Variants in NEBL observed in about 807,000 individuals in gnomAD.
NEBL encodes the protein LIM and SH3 protein 2.
A neutral mutation model predicts 140.2 loss-of-function variants in NEBL; 122 were observed. The observed-to-expected ratio is 0.87, with a 90% CI of 0.75 to 1.01. The LOEUF (loss-of-function observed/expected upper bound fraction) is 1.01, where lower values mean the gene tolerates loss of function less well. NEBL is among the 50% of genes least tolerant of loss of function. The probability of loss-of-function intolerance (pLI) is 0.00; values close to 1 mark genes in which losing one functional copy is unlikely to be tolerated. For synonymous variants in NEBL, 436 were observed against 398.9 expected (o/e 1.09, Z -1.11); for missense variants, 1,365 against 1,231.3 (o/e 1.11, Z -1.62).
At chr10:21,198,714 A>G (rs1205218822) in intron 3 of NEBL, among the ~76,000 whole-genome samples, 2 of 152,092 alleles carry the variant, frequency 1.3e-5, no homozygotes, top group African/African-American at 4.8e-5. Context: ...TCCCACTGCC[A>G]GCACCAGCCA....
Position 20,995,612 on chromosome 10 carries a change from C to T in NEBL, c.249+24505G>A, listed in dbSNP as rs45450201. On this transcript the variant is annotated intron_variant, in intron 3 of 6. Transcript: ENST00000417816. ...GATAAATAGGAGGACGCTGGAGAAA[C>T]GAAATGAACTCCCAACTTCACTGCT... Among the ~76,000 whole-genome samples the T allele has an allele frequency of 6.2e-3, 943 of 152,268 alleles. 11 individuals carry two copies. The highest frequency in any genetic ancestry group is 8.7e-3 in the Non-Finnish European group (592 of 68,014).
chr10:20,945,788 T>C (rs1368734074), intron 4 of NEBL, among the ~76,000 whole-genome samples: 1 of 152,090 alleles, frequency 6.6e-6, no homozygotes, highest in African/African-American at 2.4e-5. Flanking sequence ...TAATCAATGC[T>C]CCCAAAATCC....
intron 2 of NEBL, among the ~76,000 whole-genome samples, chr10:21,164,114 T>A (rs7921219): frequency 0.012 from 1,829 of 152,288 alleles, 39 homozygotes; most frequent in African/African-American, 0.041. Context: ...ATGGAAGAAA[T>A]CAATAATAAT....
chr10:20,838,958 C>T (rs1185599150), intron 13 of NEBL, among the ~76,000 whole-genome samples: 1 of 152,042 alleles, frequency 6.6e-6, no homozygotes, highest in Non-Finnish European at 1.5e-5. Flanking sequence ...ATGGAGAAAC[C>T]AAAAAGTTCA....
intron 4 of NEBL, among the ~76,000 whole-genome samples, chr10:20,904,618 T>C (rs74658699): frequency 0.016 from 2,390 of 152,334 alleles, 63 homozygotes; most frequent in African/African-American, 0.055. Flanking sequence ...GGGTCTCATT[T>C]GACTACTGGC....
chr10:21,054,698 A>T (rs1412289621), intron 2 of NEBL, among the ~76,000 whole-genome samples: 1 of 152,266 alleles, frequency 6.6e-6, no homozygotes, highest in Admixed American at 6.5e-5. Context: ...TGAAAAACTT[A>T]TGAAAATGCC....
chr10:21,181,644 G>A (rs1180503321), intron 3 of NEBL, among the ~76,000 whole-genome samples: 1 of 152,152 alleles, frequency 6.6e-6, no homozygotes, highest in African/African-American at 2.4e-5. Context: ...AGCTTCTTGC[G>A]ACACCACGTG....
chr10:21,259,306 AACAC>A (rs939097236), intron 1 of NEBL, among the ~76,000 whole-genome samples: 1 of 152,078 alleles, frequency 6.6e-6, no homozygotes, highest in East Asian at 1.9e-4. Context: ...CAGGCTAGGA[AACAC>A]ACAGACTTCA....
At chr10:20,877,675 C>A (rs1845631824) in intron 5 of NEBL, among the ~76,000 whole-genome samples, 1 of 152,142 alleles carries the variant, frequency 6.6e-6, no homozygotes, top group Admixed American at 6.5e-5. Flanking sequence ...AGGGAGCAGA[C>A]AACATGGAAA....
chr10:21,282,906 C>A (rs1187571651), intron 1 of NEBL, among the ~76,000 whole-genome samples: 1 of 152,142 alleles, frequency 6.6e-6, no homozygotes, highest in Non-Finnish European at 1.5e-5. Context: ...AGGCAGATCA[C>A]CTGAGGTTAA....
chr10:21,219,876 G>GTTTTTTTTTTTTTTTTT (rs1842043220), intron 3 of NEBL, among the ~76,000 whole-genome samples: 1 of 90,014 alleles, frequency 1.1e-5, no homozygotes, highest in Non-Finnish European at 2.4e-5. Context: ...TTTTTTTTTT[G>GTTTTTTTTTTTTTTTTT]GAAAGTTCAT....
chr10:21,115,902 C>T (rs1358347508), intron 2 of NEBL, among the ~76,000 whole-genome samples: 7 of 151,942 alleles, frequency 4.6e-5, no homozygotes, highest in Non-Finnish European at 1.0e-4. Flanking sequence ...GGGCTATTTT[C>T]TACGGTCCCA....
intron 26 of NEBL, among the ~76,000 whole-genome samples, chr10:20,803,960 T>C (rs1294754568): frequency 6.6e-6 from 1 of 151,284 alleles, no homozygotes; most frequent in African/African-American, 2.4e-5. Context: ...CCCAAGAGAA[T>C]TTTATTTTAT....
At chr10:21,059,707 T>A (rs1440451549) in intron 2 of NEBL, among the ~76,000 whole-genome samples, 1 of 152,248 alleles carries the variant, frequency 6.6e-6, no homozygotes, top group Non-Finnish European at 1.5e-5. Context: ...TTGTCTCAAC[T>A]TTTTTCAGTC....
chr10:21,087,690 C>T (rs957042295), intron 2 of NEBL, among the ~76,000 whole-genome samples: 3 of 152,208 alleles, frequency 2.0e-5, no homozygotes, highest in African/African-American at 7.2e-5. Flanking sequence ...GAATGTGTGA[C>T]AATTAGTTCC....
intron 1 of NEBL, chr10:21,172,497 A>C (rs768595434): frequency 2.8e-5 from 41 of 1,479,926 alleles, no homozygotes; most frequent in Middle Eastern, 1.7e-4. Flanking sequence ...AAAAAAAAAC[A>C]TTTAAAAATA....
chr10:21,256,941 C>A (rs1407117715), intron 1 of NEBL, among the ~76,000 whole-genome samples: 1 of 152,178 alleles, frequency 6.6e-6, no homozygotes, highest in Admixed American at 6.5e-5. Flanking sequence ...GTTCTATAAG[C>A]AGAAATACCA....
At chr10:20,786,843 T>C (rs1835455080) in intron 27 of NEBL, among the ~76,000 whole-genome samples, 1 of 152,234 alleles carries the variant, frequency 6.6e-6, no homozygotes, top group African/African-American at 2.4e-5. Context: ...GCTTTTGTGT[T>C]CATTTTGATT....
At chr10:21,288,922 C>G (rs1167236340) in intron 1 of NEBL, among the ~76,000 whole-genome samples, 3 of 139,798 alleles carry the variant, frequency 2.1e-5, no homozygotes, top group Non-Finnish European at 3.1e-5. Context: ...GATCTCAGCT[C>G]ACTACAACCT....
Sources: gnomAD v4.1 joint callset for allele counts (sites outside exome capture counted in the v4.1 genomes callset) on GRCh38, gnomAD v4.1.1 for gene constraint, MANE v1.5 for transcripts, NCBI Gene and HGNC (gene_info 2026-07-23, HGNC 2026-07-21) for gene names.